The following RBFOX2 variants were observed in gnomAD, a reference collection of about 807,000 sequenced individuals.
The protein encoded by RBFOX2 is RNA binding fox-1 homolog 2, also known as RNA binding protein fox-1 homolog 2.
In RBFOX2, 10 loss-of-function variants were observed where a neutral mutation model predicts 49.1. The ratio of observed to expected loss-of-function variants is 0.20; its 90% CI spans 0.13 to 0.35. RBFOX2 has a LOEUF of 0.35. Ranked by LOEUF, RBFOX2 falls within the 10% of genes least tolerant of loss-of-function variation. The pLI is 1.00. For synonymous variants in RBFOX2, 183 were observed against 187.4 expected (o/e 0.98, Z 0.19); for missense variants, 323 against 486.9 (o/e 0.66, Z 3.17).
At chr22:35,806,918 C>T (rs1950852720) in intron 2 of RBFOX2, among the ~76,000 whole-genome samples, 1 of 152,172 alleles carries the variant, frequency 6.6e-6, no homozygotes, top group Non-Finnish European at 1.5e-5. Flanking sequence ...GATTCTCCTA[C>T]CTCAGCCTCT....
chr22:36,028,727 G>A (rs1569525136), exon 1 of RBFOX2, among the ~76,000 whole-genome samples: 1 of 151,466 alleles, frequency 6.6e-6, no homozygotes, highest in Non-Finnish European at 1.5e-5. Flanking sequence ...GGCCCGCCGC[G>A]CCGCCCCGCC....
chr22:35,901,320 C>T (rs1406500351), intron 1 of RBFOX2, among the ~76,000 whole-genome samples: 4 of 152,142 alleles, frequency 2.6e-5, no homozygotes, highest in Non-Finnish European at 4.4e-5. Flanking sequence ...ATAAATAACC[C>T]TGCACTCTAC....
chr22:35,818,141 C>T (rs1017473852), intron 1 of RBFOX2, among the ~76,000 whole-genome samples: 1 of 152,066 alleles, frequency 6.6e-6, no homozygotes, highest in African/African-American at 2.4e-5. Flanking sequence ...AGCAACAAAC[C>T]CTGTAATAGT....
At chr22:35,757,653 A>C (rs1937386951) in intron 9 of RBFOX2, among the ~76,000 whole-genome samples, 1 of 152,322 alleles carries the variant, frequency 6.6e-6, no homozygotes, top group East Asian at 1.9e-4. Flanking sequence ...GGAATGCCCC[A>C]AATATGCTAT....
rs566672752 is a variant in RBFOX2 at position 35,903,544 on chromosome 22, CT to C, written c.-34+35302del. On this transcript the variant is annotated intron_variant, in intron 1 of 13. Coordinates refer to the RBFOX2 transcript ENST00000359369. ...TGTTAATAACTACCAAGTTACACCC[CT>C]AGCAGAGACCTCTCCCCATGCTCCA... 1.2e-4 allele frequency among the ~76,000 whole-genome samples: 18 copies of C among 152,262 alleles called. 1 individual carries two copies. In the South Asian group the frequency reaches 3.5e-3, roughly 30 times the overall value.
intron 1 of RBFOX2, among the ~76,000 whole-genome samples, chr22:36,018,649 T>C (rs2059133696): frequency 6.6e-6 from 1 of 152,258 alleles, no homozygotes; most frequent in Admixed American, 6.5e-5. Context: ...AGTCTCACTC[T>C]GTCATCCAGG....
At chr22:35,936,575 T>G (rs2053098405) in intron 1 of RBFOX2, among the ~76,000 whole-genome samples, 2 of 152,062 alleles carry the variant, frequency 1.3e-5, no homozygotes, top group Admixed American at 6.5e-5. Flanking sequence ...CCAACCAGAG[T>G]ACAAATTAAA....
At chr22:35,746,869 C>A (rs924039789) in intron 9 of RBFOX2, 1 of 257,140 alleles carries the variant, frequency 3.9e-6, no homozygotes. Flanking sequence ...TCTTACTTCA[C>A]AGTCTTTGTT....
At chr22:35,753,852 G>A (rs1350466053) in intron 9 of RBFOX2, among the ~76,000 whole-genome samples, 5 of 137,172 alleles carry the variant, frequency 3.6e-5, no homozygotes, top group Non-Finnish European at 7.5e-5. Flanking sequence ...GTGCAATCTC[G>A]GCTCACTGCA....
At chr22:35,748,828 G>A (rs1368808535) in intron 9 of RBFOX2, among the ~76,000 whole-genome samples, 1 of 152,220 alleles carries the variant, frequency 6.6e-6, no homozygotes, top group African/African-American at 2.4e-5. Flanking sequence ...TTCTTGCAAA[G>A]GGATACTGAG....
intron 1 of RBFOX2, among the ~76,000 whole-genome samples, chr22:35,973,750 C>G (rs1392510414): frequency 1.3e-5 from 2 of 152,154 alleles, no homozygotes; most frequent in Non-Finnish European, 2.9e-5. Flanking sequence ...CATTTCACAT[C>G]CAGAAGAAGA....
chr22:35,845,431 C>T (rs1277568687), upstream of RBFOX2, among the ~76,000 whole-genome samples: 1 of 150,764 alleles, frequency 6.6e-6, no homozygotes, highest in Non-Finnish European at 1.5e-5. Flanking sequence ...AATTTGAAAT[C>T]AAATGCTTTA....
At chr22:35,812,926 A>G (rs1358009599) in intron 1 of RBFOX2, among the ~76,000 whole-genome samples, 2 of 152,218 alleles carry the variant, frequency 1.3e-5, no homozygotes. Flanking sequence ...AAACACATCA[A>G]TTAGCAGTGG....
intron 1 of RBFOX2, among the ~76,000 whole-genome samples, chr22:35,976,573 A>C (rs559781077): frequency 1.1e-3 from 165 of 152,380 alleles, no homozygotes; most frequent in African/African-American, 3.8e-3. Flanking sequence ...TTATAATATA[A>C]AAGTAATAAC....
At chr22:35,949,226 T>C (rs2054639208) in intron 1 of RBFOX2, among the ~76,000 whole-genome samples, 1 of 152,260 alleles carries the variant, frequency 6.6e-6, no homozygotes, top group African/African-American at 2.4e-5. Flanking sequence ...TGCATATCAC[T>C]GTATTGTAGC....
At chr22:35,956,741 A>C (rs1329146329) in intron 1 of RBFOX2, among the ~76,000 whole-genome samples, 1 of 152,182 alleles carries the variant, frequency 6.6e-6, no homozygotes, top group African/African-American at 2.4e-5. Flanking sequence ...CCATGAAAAA[A>C]GTTCAGCTGG....
intron 2 of RBFOX2, among the ~76,000 whole-genome samples, chr22:35,799,632 T>G (rs1347857016): frequency 6.6e-6 from 1 of 152,126 alleles, no homozygotes; most frequent in Non-Finnish European, 1.5e-5. Context: ...CAACTGATCT[T>G]AAAAGACTTA....
chr22:35,906,622 C>G (rs2049152624), intron 1 of RBFOX2, among the ~76,000 whole-genome samples: 1 of 152,170 alleles, frequency 6.6e-6, no homozygotes, highest in Non-Finnish European at 1.5e-5. Context: ...GGAGGCCAGC[C>G]TGGCCAACAG....
At chr22:35,781,543 TG>T (rs1324994139) in intron 3 of RBFOX2, 56 bp downstream of exon 4, 1 of 1,576,444 alleles carries the variant, frequency 6.3e-7, no homozygotes, top group African/African-American at 1.4e-5. Flanking sequence ...ATAACACATC[TG>T]GGGGATTAAA....
Sources: allele counts gnomAD v4.1 joint callset (sites outside exome capture counted in the v4.1 genomes callset), GRCh38; gene constraint gnomAD v4.1.1; transcripts MANE v1.5; gene names NCBI Gene and HGNC (gene_info 2026-07-23, HGNC 2026-07-21).